GPX4: variants seen among roughly 807,000 people sequenced by gnomAD.
GPX4 encodes the protein phospholipid hydroperoxide glutathione peroxidase GPX4.
GPX4 carries 28 observed loss-of-function variants against 27.8 expected under a neutral mutation model. The ratio of observed to expected loss-of-function variants is 1.01; its 90% CI spans 0.75 to 1.38. GPX4 has a LOEUF of 1.38. Ranked by LOEUF, GPX4 falls within the 40% of genes most tolerant of loss-of-function variation. The pLI is 0.00. For synonymous variants in GPX4, 163 were observed against 107.8 expected, an observed-to-expected ratio of 1.51 and a Z score of -3.17; for missense variants, 357 against 274.1, an observed-to-expected ratio of 1.30 and a Z score of -2.14.
intron 1 of GPX4, chr19:1,104,378 C>T (rs1200106102): frequency 2.4e-6 from 1 of 422,238 alleles, no homozygotes. Flanking sequence ...GTTCCACGCG[C>T]GCGGGTCGTG....
chr19:1,104,095 G>A lies in GPX4; in HGVS notation c.52G>A (p.Ala18Thr), dbSNP rs1356892049. 1.3e-6 allele frequency: 2 copies of A among 1,510,750 alleles called. No homozygotes were observed. The highest frequency in any genetic ancestry group is 2.7e-5 in the East Asian group (1 of 37,300). The allele number at this position is 1,510,750 out of a possible 1,614,324, so 93.6% of individuals were successfully genotyped here. Residue 18 changes from alanine (A) to threonine (T), a missense_variant, in exon 1 of 7, where the codon GCT becomes ACT. Physicochemically the swap from Ala to Thr is moderately conservative, Grantham distance 58. Coordinates refer to ENST00000354171, the MANE Select transcript of GPX4 (RefSeq NM_002085.5). Reference protein sequence around the residue: ...RLLKPALLCGALAAPGLAGTM... With the variant: ...RLLKPALLCGTLAAPGLAGTM... ...ACTGAAGCCGGCGCTGCTCTGTGGG[G>A]CTCTGGCCGCGCCTGGCCTGGCCGG...
At position 1,105,177 on chromosome 19, in the gene GPX4, G is replaced by A. The variant is rs2079632327; in HGVS notation, c.85-9G>A. The A allele has an allele frequency of 6.2e-7, 1 of 1,612,814 alleles. No individual in the cohort carries two copies. The highest frequency in any genetic ancestry group is 8.5e-7 in the Non-Finnish European group (1 of 1,179,788). ...CCACGCTCCCTGCTCAGCTTCCTTT[G>A]CCTTGCAGTGCGCGTCCCGGGACGA... is the stretch of plus-strand genomic sequence containing the variant. On this transcript the variant is annotated splice_polypyrimidine_tract_variant and intron_variant, in intron 1 of 6. Transcript: ENST00000354171.
chr19:1,105,150 G>T (rs1246189886), intron 1 of GPX4, 36 bp from the exon 2 acceptor site: 1 of 1,608,900 alleles, frequency 6.2e-7, no homozygotes, highest in South Asian at 1.1e-5. Context: ...TCAGCCTCCC[G>T]TCCACGCTCC....
At chr19:1,104,799 G>A in intron 1 of GPX4, 1 of 992,508 alleles carries the variant, frequency 1.0e-6, no homozygotes, top group Non-Finnish European at 1.2e-6. Context: ...CGGGGCAGGC[G>A]GCGGCCGCGA....
intron 1 of GPX4, 182 bp from the exon 2 acceptor site, chr19:1,105,004 C>T: frequency 6.8e-7 from 1 of 1,461,402 alleles, no homozygotes; most frequent in Non-Finnish European, 9.1e-7. Flanking sequence ...TCCGGGTCTC[C>T]GGTAAAACCG....
Position 1,105,223 on chromosome 19 carries a change from T to C in GPX4, c.122T>C (p.Met41Thr), listed in dbSNP as rs1258398183. Residue 41 changes from methionine (M) to threonine (T), a missense_variant, in exon 2 of 7, where the codon ATG becomes ACG. Coordinates refer to ENST00000354171, the MANE Select transcript of GPX4 (RefSeq NM_002085.5). The stretch of plus-strand genomic sequence containing the variant: ...GACGACTGGCGCTGTGCGCGCTCCA[T>C]GCACGAGTTTTCCGCCAAGGACATC... The part of the protein sequence containing the change: ...SRDDWRCARS[M>T]HEFSAKDIDG... The C allele has an allele frequency of 6.2e-7, 1 of 1,613,002 alleles. No homozygotes were observed. The highest frequency in any genetic ancestry group is 8.5e-7 in the Non-Finnish European group (1 of 1,179,882).
chr19:1,105,544 G>A (rs2079639173), intron 3 of GPX4, 34 bp downstream of exon 3: 1 of 1,607,414 alleles, frequency 6.2e-7, no homozygotes, highest in Non-Finnish European at 8.5e-7. Context: ...CCGCAGAGGC[G>A]GGTGGGTGGG....
At chr19:1,105,984 G>C (rs543261909) in intron 4 of GPX4, 175 bp downstream of exon 4, 8 of 814,512 alleles carry the variant, frequency 9.8e-6, no homozygotes, top group African/African-American at 5.2e-5. Context: ...GGGACATAGA[G>C]GGCTGTGGAG....
chr19:1,106,519 C>A, intron 6 of GPX4, 21 bp from the exon 7 acceptor site: 1 of 1,611,660 alleles, frequency 6.2e-7, no homozygotes, highest in Non-Finnish European at 8.5e-7. Flanking sequence ...GCTGCCCTAA[C>A]CCAGCTTTCC....
intron 4 of GPX4, 196 bp from the exon 5 acceptor site, chr19:1,106,046 G>A (rs2079648858): frequency 4.3e-6 from 3 of 692,774 alleles, no homozygotes; most frequent in South Asian, 1.9e-5. Context: ...GGATGGCTCG[G>A]GGGCCTGTGG....
At chr19:1,105,131 G>T in intron 1 of GPX4, 55 bp from the exon 2 acceptor site, 1 of 1,596,554 alleles carries the variant, frequency 6.3e-7, no homozygotes, top group Non-Finnish European at 8.6e-7. Context: ...CTGCCTCAGG[G>T]TCCCGGGCTC....
In GPX4 at chr19:1,105,777, G is replaced by A. The variant is rs886976118; in HGVS notation, c.444G>A (p.Lys148=). ...DDAHPLWKWM[K]IQPKGKGILG... ...CCCACCCGCTGTGGAAGTGGATGAAGATCCAACCCAAGGGCAAGGGCATCC... is the reference window on the plus strand; with the variant it reads ...CCCACCCGCTGTGGAAGTGGATGAAAATCCAACCCAAGGGCAAGGGCATCC... The change falls in exon 4 of 7, where the codon AAG becomes AAA. Residue 148 remains lysine (K), a synonymous_variant. Transcript: ENST00000354171. The A allele has an allele frequency of 6.8e-7, 1 of 1,461,584 alleles. No individual in the cohort carries two copies. Among genetic ancestry groups the A allele is most frequent in the African/African-American group, 1.5e-5 (1 of 68,018 alleles). 90.5% of individuals were successfully genotyped at this position (1,461,584 alleles called of 1,614,324 possible).
chr19:1,104,852 G>T (rs2079628753), intron 1 of GPX4: 1 of 1,166,242 alleles, frequency 8.6e-7, no homozygotes, highest in Non-Finnish European at 1.1e-6. Flanking sequence ...GCGCAGGAGG[G>T]CGCGGCGCCG....
At chr19:1,105,583 G>A (rs2079639727) in intron 3 of GPX4, 73 bp downstream of exon 3, 15 of 1,600,892 alleles carry the variant, frequency 9.4e-6, no homozygotes, top group South Asian at 2.2e-5. Flanking sequence ...CCTGGAGAGG[G>A]CCTGGGAGTG....
rs200291407 is a variant in GPX4 at position 1,105,669 on chromosome 19, T to A, written c.336T>A (p.Ser112Arg). The A allele has an allele frequency of 2.0e-5, 33 of 1,612,596 alleles. No individual in the cohort carries two copies. The African/African-American group carries it at 3.6e-4, about 18-fold the overall frequency. The change falls in exon 4 of 7, where the codon AGT (serine) becomes AGA (arginine). Residue 112 changes from serine to arginine, a missense_variant. Transcript: ENST00000354171. ...CNQFGKQEPG[S>R]NEEIKEFAAG... is the part of the protein sequence containing the mutation. ...CTTGGCCGCCACAGGAGCCAGGGAG[T>A]AACGAAGAGATCAAAGAGTTCGCCG...
Position 1,106,398 on chromosome 19 carries a change from A to G in GPX4, c.502-2A>G. 1 of 1,613,464 alleles carries G rather than the reference A, an allele frequency of 6.2e-7. No individual in the cohort carries two copies. Among genetic ancestry groups the G allele is most frequent in the Non-Finnish European group, 8.5e-7 (1 of 1,179,912 alleles). Reference sequence around the variant, plus strand: ...CACAGTTTGGACACCGTCTCTCCACAGTTCCTCATCGACAAGAACGGCTGC... The same window carrying G: ...CACAGTTTGGACACCGTCTCTCCACGGTTCCTCATCGACAAGAACGGCTGC... On this transcript the variant is annotated splice_acceptor_variant, in intron 5 of 6. Coordinates refer to ENST00000354171, the MANE Select transcript of GPX4 (RefSeq NM_002085.5). LOFTEE classifies it high-confidence loss of function.
chr19:1,106,521 C>T lies in GPX4; in HGVS notation c.562-19C>T, dbSNP rs376345610. 1 of 1,612,246 alleles carries T rather than the reference C, an allele frequency of 6.2e-7. No homozygotes were observed. The highest frequency in any genetic ancestry group is 1.3e-5 in the African/African-American group (1 of 74,830). ...GGCTTGGGAGGTAGCTGCCCTAACC[C>T]AGCTTTCCTCCCCGACAGGTGATAG... On this transcript the variant is annotated intron_variant, in intron 6 of 6. Transcript: ENST00000354171.
intron 1 of GPX4, chr19:1,104,336 C>T: frequency 6.0e-6 from 3 of 498,432 alleles, no homozygotes; most frequent in Non-Finnish European, 1.0e-5. Context: ...GTTGTAGGCG[C>T]GCGGGCTGGG....
intron 1 of GPX4, 132 bp downstream of exon 1, chr19:1,104,259 TC>T: frequency 6.4e-6 from 5 of 780,342 alleles, no homozygotes; most frequent in Non-Finnish European, 7.4e-6. Flanking sequence ...GGGCTCCCCC[TC>T]CCCACCCCCG....
Sources: gnomAD v4.1 joint callset for allele counts on GRCh38, gnomAD v4.1.1 for gene constraint, MANE v1.5 for transcripts, NCBI Gene and HGNC (gene_info 2026-07-23, HGNC 2026-07-21) for gene names.